The following JAK1 variants were observed in gnomAD, a reference collection of about 807,000 sequenced individuals.
JAK1 encodes Janus kinase 1.
A neutral mutation model predicts 136.6 loss-of-function variants in JAK1; 16 were observed. That is an observed-to-expected ratio of 0.12 (90% CI 0.08 to 0.18). The LOEUF (loss-of-function observed/expected upper bound fraction) is 0.18. Ranked by LOEUF, JAK1 falls within the 10% of genes least tolerant of loss-of-function variation. JAK1 has a pLI of 1.00. For synonymous variants in JAK1, 492 were observed against 519.5 expected, an observed-to-expected ratio of 0.95 and a Z score of 0.72; for missense variants, 859 against 1,450.1, an observed-to-expected ratio of 0.59 and a Z score of 6.62.
intron 1 of JAK1, among the ~76,000 whole-genome samples, chr1:64,949,636 A>G (rs1244562353): frequency 1.3e-5 from 2 of 152,248 alleles, no homozygotes; most frequent in African/African-American, 4.8e-5. Flanking sequence ...CGTATTTGAC[A>G]TGTTACTTGC....
rs534259816 is a variant in JAK1 at position 64,869,593 on chromosome 1, C to A, written c.484-119G>T. On this transcript the variant is annotated intron_variant, in intron 5 of 24. Coordinates refer to ENST00000342505, the MANE Select transcript of JAK1 (RefSeq NM_002227.4). ...ACAGCAACGAGACGAATCAGATTGG[C>A]AGTTTCTCTAGCATCAGAGCTCTTT... 100 of 753,958 alleles carry A rather than the reference C, an allele frequency of 1.3e-4. No individual in the cohort carries two copies. The African/African-American group carries it at 1.6e-3, about 12-fold the overall frequency. 46.7% of individuals were successfully genotyped at this position (753,958 alleles called of 1,614,324 possible). A position where few individuals can be genotyped will look rare whatever the true frequency, so the allele number is the denominator to read the frequency against.
intron 1 of JAK1, among the ~76,000 whole-genome samples, chr1:64,963,475 AC>A (rs1221591840): frequency 6.6e-6 from 1 of 152,100 alleles, no homozygotes; most frequent in African/African-American, 2.4e-5. Flanking sequence ...AAAAACCTTT[AC>A]CCCAAAAAAT....
rs754976849 is a variant in JAK1 at position 64,845,646 on chromosome 1, G to A, written c.1988-6C>T. ...AAACTCTTCCACCATGATATCTGTA[G>A]GCATAAAAATAGCCATGTCTGGAAC... On this transcript the variant is annotated splice_polypyrimidine_tract_variant and splice_region_variant and intron_variant, in intron 14 of 24. Coordinates refer to ENST00000342505, the MANE Select transcript of JAK1 (RefSeq NM_002227.4). The A allele has an allele frequency of 6.8e-6, 11 of 1,614,044 alleles. No individual in the cohort carries two copies. Among genetic ancestry groups the A allele is most frequent in the Non-Finnish European group, 9.3e-6 (11 of 1,180,032 alleles).
At chr1:65,056,353 AGG>A (rs1363746361) in intron 1 of JAK1, among the ~76,000 whole-genome samples, 5 of 152,244 alleles carry the variant, frequency 3.3e-5, no homozygotes, top group African/African-American at 1.2e-4. Context: ...GTGTGGCTCA[AGG>A]GATCACTACT....
At chr1:64,857,803 G>A (rs779415065) in intron 9 of JAK1, 24 bp from the exon 10 acceptor site, 10 of 1,613,560 alleles carry the variant, frequency 6.2e-6, no homozygotes, top group Middle Eastern at 1.6e-4. Flanking sequence ...TAGGCAAAGG[G>A]AGAAAGAGCT....
Position 64,845,552 on chromosome 1 carries a change from G to C in JAK1, c.2076C>G (p.Phe692Leu), listed in dbSNP as rs1655175091. 4 of 1,614,130 alleles carry C rather than the reference G, an allele frequency of 2.5e-6. No homozygotes were observed. The highest frequency in any genetic ancestry group is 3.4e-6 in the Non-Finnish European group (4 of 1,180,026). The part of the protein sequence containing the change: ...KSDVLTTPWK[F>L]KVAKQLASAL... The stretch of plus-strand genomic sequence containing the variant: ...CACTGGCCAGCTGTTTGGCAACTTT[G>C]AATTTCCATGGTGTGGTAAGGACAT... Residue 692 changes from phenylalanine to leucine, a missense_variant, in exon 15 of 25, where the codon TTC (phenylalanine) becomes TTG (leucine). Coordinates refer to ENST00000342505, the MANE Select transcript of JAK1 (RefSeq NM_002227.4).
chr1:64,896,978 G>A (rs992359784), intron 1 of JAK1, among the ~76,000 whole-genome samples: 1 of 152,080 alleles, frequency 6.6e-6, no homozygotes, highest in African/African-American at 2.4e-5. Context: ...TTAAACTCTT[G>A]GAAAAATATA....
intron 1 of JAK1, among the ~76,000 whole-genome samples, chr1:65,060,436 T>C (rs1484132899): frequency 1.3e-5 from 2 of 152,184 alleles, no homozygotes; most frequent in Admixed American, 6.5e-5. Flanking sequence ...ACCAAAATAT[T>C]AGTGTGATTC....
At chr1:64,964,300 GA>G (rs747819682) in intron 1 of JAK1, among the ~76,000 whole-genome samples, 1 of 152,122 alleles carries the variant, frequency 6.6e-6, no homozygotes. Flanking sequence ...TCTTTGAGGG[GA>G]AAAAAACACC....
chr1:65,022,847 G>A (rs1019089567), intron 2 of JAK1: 1 of 152,072 alleles, frequency 6.6e-6, no homozygotes, highest in African/African-American at 2.4e-5. Flanking sequence ...CTAATCAGGG[G>A]AAATTCAGTC....
chr1:64,968,245 A>G (rs1343947164), upstream of JAK1, among the ~76,000 whole-genome samples: 1 of 152,202 alleles, frequency 6.6e-6, no homozygotes, highest in Non-Finnish European at 1.5e-5. Flanking sequence ...GATTCAGTTT[A>G]GATCTGTTCG....
chr1:64,955,995 G>GA (rs1036668759), intron 1 of JAK1, among the ~76,000 whole-genome samples: 2 of 151,754 alleles, frequency 1.3e-5, no homozygotes, highest in South Asian at 2.1e-4. Flanking sequence ...TAAATGGTTG[G>GA]AAAAAAAAGA....
At chr1:65,024,676 A>G (rs1246688276) in intron 2 of JAK1, among the ~76,000 whole-genome samples, 3 of 150,854 alleles carry the variant, frequency 2.0e-5, no homozygotes, top group East Asian at 1.9e-4. Flanking sequence ...AAAAAAAAAA[A>G]AAAAGAAAGA....
intron 1 of JAK1, among the ~76,000 whole-genome samples, chr1:64,924,908 ATGGG>A (rs536332175): frequency 6.6e-6 from 1 of 152,162 alleles, no homozygotes; most frequent in Non-Finnish European, 1.5e-5. Context: ...TGATACAATG[ATGGG>A]TACATGTCAT....
intron 1 of JAK1, among the ~76,000 whole-genome samples, chr1:64,920,442 A>G (rs74756276): frequency 1.4e-3 from 209 of 152,312 alleles, no homozygotes; most frequent in African/African-American, 4.9e-3. Flanking sequence ...TGGGAGGCTG[A>G]GAACTACACG....
At chr1:64,892,819 A>T (rs310253) in intron 1 of JAK1, among the ~76,000 whole-genome samples, 1,644 of 152,166 alleles carry the variant, frequency 0.011, 29 homozygotes, top group African/African-American at 0.038. Context: ...CTGTAGCCTC[A>T]CTCCCCTTTC....
At chr1:64,991,072 A>T (rs1054005072) in intron 2 of JAK1, among the ~76,000 whole-genome samples, 1 of 152,182 alleles carries the variant, frequency 6.6e-6, no homozygotes, top group Admixed American at 6.5e-5. Flanking sequence ...GAAAATGTGG[A>T]CATAAAACTA....
chr1:64,875,431 C>T (rs1657342552), intron 4 of JAK1, among the ~76,000 whole-genome samples: 1 of 152,204 alleles, frequency 6.6e-6, no homozygotes, highest in Non-Finnish European at 1.5e-5. Context: ...GTGAGCTGTG[C>T]ACGGAAGCAA....
At chr1:64,887,213 G>T (rs1312927472) in intron 1 of JAK1, among the ~76,000 whole-genome samples, 1 of 152,152 alleles carries the variant, frequency 6.6e-6, no homozygotes, top group Non-Finnish European at 1.5e-5. Context: ...TTCTGCAGTG[G>T]GTAAGACTTA....
Sources: gnomAD v4.1 joint callset for allele counts (sites outside exome capture counted in the v4.1 genomes callset) on GRCh38, gnomAD v4.1.1 for gene constraint, MANE v1.5 for transcripts, NCBI Gene and HGNC (gene_info 2026-07-23, HGNC 2026-07-21) for gene names.